RBM39: variants seen among roughly 807,000 people sequenced by gnomAD.
RBM39 encodes RNA-binding protein 39.
RBM39 carries 12 observed loss-of-function variants against 79.6 expected under a neutral mutation model. The observed-to-expected ratio is 0.15, with a 90% CI of 0.10 to 0.24. RBM39 has a LOEUF of 0.24. Among genes scored for constraint, RBM39 ranks in the 10% least tolerant of loss-of-function variants. The probability of loss-of-function intolerance (pLI) is 1.00; values close to 1 mark genes in which losing one functional copy is unlikely to be tolerated. For synonymous variants in RBM39, 185 were observed against 208.4 expected (o/e 0.89, Z 0.97); for missense variants, 243 against 653.4 (o/e 0.37, Z 6.85).
chr20:35,730,861 T>C (rs748369321), intron 4 of RBM39, among the ~76,000 whole-genome samples: 1 of 152,168 alleles, frequency 6.6e-6, no homozygotes, highest in African/African-American at 2.4e-5. Flanking sequence ...AAAAAGTTAA[T>C]GAAATAAGCA....
In RBM39 at chr20:35,720,972, G is replaced by A. The variant is rs540751240; in HGVS notation, c.825+768C>T. On this transcript the variant is annotated intron_variant, in intron 9 of 16. Transcript: ENST00000253363. ...ATGTCTTTTTAAAGGTAAGGGTCTC[G>A]CCAGGCCAGGCTGGAGTGCAGTGGT... 1.7e-3 allele frequency among the ~76,000 whole-genome samples: 172 copies of A among 101,468 alleles called. 1 individual carries two copies. The highest frequency in any genetic ancestry group is 7.6e-3 in the African/African-American group (151 of 19,944). 66.6% of individuals were successfully genotyped at this position (101,468 alleles called of 152,430 possible).
At position 35,721,298 on chromosome 20, in the gene RBM39, C is replaced by T. The variant is rs549076255; in HGVS notation, c.825+442G>A. Among the ~76,000 whole-genome samples, 3 of 152,250 alleles carry T rather than the reference C, an allele frequency of 2.0e-5. No homozygotes were observed. The East Asian group carries it at 5.8e-4, about 29-fold the overall frequency. On this transcript the variant is annotated intron_variant, in intron 9 of 16. Coordinates refer to ENST00000253363, the MANE Select transcript of RBM39 (RefSeq NM_184234.3). The stretch of plus-strand genomic sequence containing the variant: ...AAACAATCTTTTAAAAAAAATCCTA[C>T]TAAAAAATAATAGTCTTCGTATGAT...
In RBM39 at chr20:35,741,972, G is replaced by A; in HGVS notation, c.-45C>T. Reference sequence around the variant, plus strand: ...CGGCCTTCGGGCGCCTGTGGTGCTCGTGTTCGGGAAGAGATTGCTGCTGCT... The same window carrying A: ...CGGCCTTCGGGCGCCTGTGGTGCTCATGTTCGGGAAGAGATTGCTGCTGCT... On this transcript the variant is annotated 5_prime_UTR_variant, in exon 1 of 17. The change creates a new upstream start codon in the 5' untranslated region. Coordinates refer to ENST00000253363, the MANE Select transcript of RBM39 (RefSeq NM_184234.3). The A allele has an allele frequency of 4.2e-6, 1 of 236,076 alleles. No individual in the cohort carries two copies. Among genetic ancestry groups the A allele is most frequent in the Non-Finnish European group, 8.4e-6 (1 of 118,716 alleles). 14.6% of individuals were successfully genotyped at this position (236,076 alleles called of 1,614,324 possible). A position where few individuals can be genotyped will look rare whatever the true frequency, so the allele number is the denominator to read the frequency against.
intron 3 of RBM39, among the ~76,000 whole-genome samples, chr20:35,733,512 G>A (rs1380563259): frequency 6.6e-6 from 1 of 151,778 alleles, no homozygotes; most frequent in Non-Finnish European, 1.5e-5. Context: ...TGGAGGCTGA[G>A]GCAGGAGAAT....
chr20:35,717,015 G>A lies in RBM39; in HGVS notation c.826-210C>T, dbSNP rs529731837. Among the ~76,000 whole-genome samples the A allele has an allele frequency of 9.0e-4, 136 of 151,712 alleles. 1 individual carries two copies. The highest frequency in any genetic ancestry group is 1.6e-3 in the Non-Finnish European group (107 of 67,880). ...AAAAATTAGGCTGGGCGTGGTGGTC[G>A]GCGCCTGTAATCCCAGCATTTTGGG... is the stretch of plus-strand genomic sequence containing the variant. On this transcript the variant is annotated intron_variant, in intron 9 of 16. Transcript: ENST00000253363.
intron 12 of RBM39, among the ~76,000 whole-genome samples, chr20:35,711,264 G>A (rs180964220): frequency 5.3e-5 from 8 of 152,106 alleles, no homozygotes; most frequent in Admixed American, 3.9e-4. Context: ...AGAACATTAT[G>A]AACAATGAGA....
rs2035379141 is a variant in RBM39 at position 35,703,308 on chromosome 20, ATGG to A, written c.*1170_*1172del. 1 of 152,212 alleles carries A rather than the reference ATGG, an allele frequency of 6.6e-6. No individual in the cohort carries two copies. Among genetic ancestry groups the A allele is most frequent in the African/African-American group, 2.4e-5 (1 of 41,446 alleles). The allele number at this position is 152,212 out of a possible 1,614,324, so 9.4% of individuals were successfully genotyped here. A position where few individuals can be genotyped will look rare whatever the true frequency, so the allele number is the denominator to read the frequency against. On this transcript the variant is annotated 3_prime_UTR_variant, in exon 17 of 17. Transcript: ENST00000253363. ...CCATTTTGTTAAGTATGTATTGTAAATGGTGAAAATTTCTTCATAAATATGCCC... is the reference window on the plus strand; with the variant it reads ...CCATTTTGTTAAGTATGTATTGTAAATGAAAATTTCTTCATAAATATGCCC...
At chr20:35,722,744 T>C (rs2038135357) in intron 8 of RBM39, among the ~76,000 whole-genome samples, 1 of 151,534 alleles carries the variant, frequency 6.6e-6, no homozygotes, top group East Asian at 1.9e-4. Flanking sequence ...CCATCCTGGT[T>C]AACACAGTGA....
At chr20:35,714,650 G>C (rs1569005462) in intron 10 of RBM39, among the ~76,000 whole-genome samples, 1 of 152,112 alleles carries the variant, frequency 6.6e-6, no homozygotes, top group Non-Finnish European at 1.5e-5. Context: ...GGGGATTGTG[G>C]TTAGAAAATG....
At chr20:35,728,488 A>G (rs1173458575) in intron 6 of RBM39, among the ~76,000 whole-genome samples, 1 of 152,194 alleles carries the variant, frequency 6.6e-6, no homozygotes, top group East Asian at 1.9e-4. Context: ...TTACATTAAA[A>G]TAACTTTAGA....
chr20:35,725,230 T>C, intron 6 of RBM39, 75 bp from the exon 7 acceptor site: 2 of 1,064,218 alleles, frequency 1.9e-6, no homozygotes, highest in Non-Finnish European at 2.7e-6. Flanking sequence ...TATTTCTTCA[T>C]ATAGTTCAAC....
chr20:35,742,054 A>G lies in RBM39; in HGVS notation c.-127T>C, dbSNP rs368665193. 19 of 200,038 alleles carry G rather than the reference A, an allele frequency of 9.5e-5. No homozygotes were observed. Among genetic ancestry groups the G allele is most frequent in the African/African-American group, 4.3e-4 (18 of 41,832 alleles). 12.4% of individuals were successfully genotyped at this position (200,038 alleles called of 1,614,324 possible). On this transcript the variant is annotated 5_prime_UTR_variant, in exon 1 of 17. Coordinates refer to ENST00000253363, the MANE Select transcript of RBM39 (RefSeq NM_184234.3). The stretch of plus-strand genomic sequence containing the variant: ...TTGCTACTGTTAAGCCCCTAGGCCC[A>G]GGCCGCGGAACCGCCCAGCCCGAAT...
intron 9 of RBM39, among the ~76,000 whole-genome samples, chr20:35,718,207 A>C (rs1409827397): frequency 6.6e-6 from 1 of 152,164 alleles, no homozygotes; most frequent in Non-Finnish European, 1.5e-5. Context: ...AATTTTAAAA[A>C]AGAAACAAAG....
intron 6 of RBM39, among the ~76,000 whole-genome samples, chr20:35,727,944 G>T (rs367774196): frequency 6.6e-6 from 1 of 151,636 alleles, no homozygotes; most frequent in African/African-American, 2.4e-5. Context: ...CCACCACCAC[G>T]CCTGGCCTAA....
chr20:35,726,133 C>A (rs868390721), intron 6 of RBM39, among the ~76,000 whole-genome samples: 7 of 152,038 alleles, frequency 4.6e-5, no homozygotes, highest in Admixed American at 3.9e-4. Flanking sequence ...AGTAATTTTT[C>A]TTTTCTTTTT....
chr20:35,728,817 C>T (rs1169682540), intron 6 of RBM39, among the ~76,000 whole-genome samples: 1 of 151,416 alleles, frequency 6.6e-6, no homozygotes, highest in East Asian at 2.0e-4. Context: ...TTGGCTCACA[C>T]CTGCAATCCT....
At chr20:35,734,520 C>T (rs192592683) in intron 3 of RBM39, 150 of 209,840 alleles carry the variant, frequency 7.1e-4, no homozygotes, top group Non-Finnish European at 1.1e-3. Flanking sequence ...TAACTCCATC[C>T]CCCTCAAAAA....
At chr20:35,741,006 A>G in intron 1 of RBM39, 119 bp from the exon 2 acceptor site, 1 of 395,056 alleles carries the variant, frequency 2.5e-6, no homozygotes, top group Non-Finnish European at 4.9e-6. Context: ...AAAGAACAAG[A>G]CGATTCCGTG....
At chr20:35,730,593 C>T (rs570452258) in intron 4 of RBM39, among the ~76,000 whole-genome samples, 2 of 152,168 alleles carry the variant, frequency 1.3e-5, no homozygotes, top group South Asian at 2.1e-4. Context: ...TTCTGAGTTA[C>T]AGCCTCAAAC....
Sources: allele counts gnomAD v4.1 joint callset (sites outside exome capture counted in the v4.1 genomes callset), GRCh38; gene constraint gnomAD v4.1.1; transcripts MANE v1.5; gene names NCBI Gene and HGNC (gene_info 2026-07-23, HGNC 2026-07-21).